Variants in SCN2A observed in about 807,000 individuals in gnomAD.
SCN2A encodes sodium voltage-gated channel alpha subunit 2, also known as sodium channel protein type 2 subunit alpha.
In SCN2A, 20 loss-of-function variants were observed where a neutral mutation model predicts 188.7. That is an observed-to-expected ratio of 0.11 (90% confidence interval 0.07 to 0.15). The LOEUF (loss-of-function observed/expected upper bound fraction) is 0.15. Ranked by LOEUF, SCN2A falls within the 10% of genes least tolerant of loss-of-function variation. SCN2A has a pLI of 1.00. For synonymous variants in SCN2A, 804 were observed against 833.1 expected (o/e 0.97, Z 0.60); for missense variants, 1,278 against 2,445.0 (o/e 0.52, Z 10.07).
chr2:165,248,560 C>T (rs1693954185), intron 1 of SCN2A, among the ~76,000 whole-genome samples: 1 of 152,158 alleles, frequency 6.6e-6, no homozygotes, highest in South Asian at 2.1e-4. Flanking sequence ...TAACTTCATT[C>T]TTATCGTCTC....
chr2:165,389,733 A>G lies in SCN2A; in HGVS notation c.5927A>G (p.Asp1976Gly). 6.2e-7 allele frequency: 1 copy of G among 1,613,942 alleles called. No individual in the cohort carries two copies. Among genetic ancestry groups the G allele is most frequent in the Non-Finnish European group, 8.5e-7 (1 of 1,179,930 alleles). Reference sequence around the variant, plus strand: ...TCCACCACGTCTCCACCCTCGTATGATAGTGTGACCAAACCAGAAAAAGAA... The same window carrying G: ...TCCACCACGTCTCCACCCTCGTATGGTAGTGTGACCAAACCAGAAAAAGAA... Reference protein sequence around the residue: ...TPSTTSPPSYDSVTKPEKEKF... With the variant: ...TPSTTSPPSYGSVTKPEKEKF... Residue 1976 changes from aspartate (D) to glycine (G), a missense_variant, in exon 27 of 27, where the codon GAT becomes GGT. By Grantham distance (94) the Asp-to-Gly change is moderately conservative. Transcript: ENST00000375437. This position sits in a 1 kb window ranked among gnomAD's most constrained non-coding sequence, Gnocchi z 4.2.
intron 14 of SCN2A, among the ~76,000 whole-genome samples, chr2:165,341,240 C>A (rs1271962706): frequency 6.6e-6 from 1 of 152,128 alleles, no homozygotes; most frequent in African/African-American, 2.4e-5. Flanking sequence ...ACTACAGGCG[C>A]CCGCCACCGC....
At chr2:165,370,068 A>G in intron 19 of SCN2A, 58 bp from the exon 20 acceptor site, 2 of 1,481,690 alleles carry the variant, frequency 1.3e-6, no homozygotes, top group East Asian at 2.3e-5. Context: ...TTTTTAAGAA[A>G]TCATCAATTA....
Position 165,331,462 on chromosome 2 carries a change from T to C in SCN2A, c.2282T>C (p.Val761Ala). 1 of 1,613,888 alleles carries C rather than the reference T, an allele frequency of 6.2e-7. No homozygotes were observed. Residue 761 changes from valine (V) to alanine (A), a missense_variant, in exon 14 of 27, where the codon GTT becomes GCT. Physicochemically the swap from Val to Ala is moderately conservative, Grantham distance 64 (BLOSUM62 0). Transcript: ENST00000375437. Reference protein sequence around the residue: ...LVNLVVMDPFVDLAITICIVL... With the variant: ...LVNLVVMDPFADLAITICIVL... ...AACCTGGTTGTAATGGACCCATTTG[T>C]TGACCTGGCCATCACCATCTGCATT...
chr2:165,307,963 G>T (rs780545151), intron 4 of SCN2A, 26 bp downstream of exon 4: 4 of 1,436,614 alleles, frequency 2.8e-6, no homozygotes, highest in East Asian at 4.6e-5. Flanking sequence ...TTTCAATATT[G>T]ACCTCCCTTT....
chr2:165,375,614 C>T (rs1242990407), intron 22 of SCN2A, among the ~76,000 whole-genome samples: 1 of 151,722 alleles, frequency 6.6e-6, no homozygotes, highest in Admixed American at 6.6e-5. Context: ...TTACTATGTC[C>T]GCACAACAGA....
Position 165,262,726 on chromosome 2 carries a change from T to C in SCN2A, c.-52+23086T>C, listed in dbSNP as rs188343670. Among the ~76,000 whole-genome samples the C allele has an allele frequency of 4.1e-3, 624 of 152,286 alleles. 7 individuals are homozygous for C. In the Middle Eastern group the frequency reaches 0.044, roughly 11 times the overall value. ...CTATAAACATGCGTGTGCAATTATCTTTTTCGTATAATGACTTCCTTTCCT... is the reference window on the plus strand; with the variant it reads ...CTATAAACATGCGTGTGCAATTATCCTTTTCGTATAATGACTTCCTTTCCT... On this transcript the variant is annotated intron_variant, in intron 1 of 26. Coordinates refer to ENST00000375437, the MANE Select transcript of SCN2A (RefSeq NM_001040142.2).
intron 18 of SCN2A, 34 bp downstream of exon 18, chr2:165,365,297 A>G: frequency 1.2e-6 from 2 of 1,611,948 alleles, no homozygotes; most frequent in Non-Finnish European, 1.7e-6. Context: ...GGTCTTGAGT[A>G]TCCTCTTTTC....
intron 3 of SCN2A, among the ~76,000 whole-genome samples, chr2:165,304,649 A>G (rs1191764169): frequency 6.6e-6 from 1 of 152,184 alleles, no homozygotes; most frequent in Non-Finnish European, 1.5e-5. Context: ...TGGGGTATAT[A>G]ACTGGTAATA....
intron 1 of SCN2A, among the ~76,000 whole-genome samples, chr2:165,278,972 AAGGC>A (rs965017329): frequency 8.6e-5 from 13 of 152,040 alleles, no homozygotes; most frequent in African/African-American, 1.7e-4. Context: ...TCAAGAAAGA[AAGGC>A]AGGCAGGCAG....
At chr2:165,318,729 C>T (rs978275092) in intron 11 of SCN2A, among the ~76,000 whole-genome samples, 4 of 152,116 alleles carry the variant, frequency 2.6e-5, no homozygotes, top group Non-Finnish European at 4.4e-5. Context: ...TTACTAAAAG[C>T]GATAGAAACA....
chr2:165,257,509 T>TTTG (rs955793057), intron 1 of SCN2A, among the ~76,000 whole-genome samples: 1 of 152,110 alleles, frequency 6.6e-6, no homozygotes, highest in African/African-American at 2.4e-5. Flanking sequence ...GTTTCTGTGT[T>TTTG]TTGTTGTTGT....
At position 165,331,667 on chromosome 2, in the gene SCN2A, C is replaced by T. The variant is rs1047932406; in HGVS notation, c.2388+99C>T. 116 of 946,046 alleles carry T rather than the reference C, an allele frequency of 1.2e-4. No homozygotes were observed. The African/African-American group carries it at 1.8e-3, about 15-fold the overall frequency. 58.6% of individuals were successfully genotyped at this position (946,046 alleles called of 1,614,324 possible). ...TCAAATTAAATATCAACTAATTGGC[C>T]ATGTATATCTTGACATCAAATGTTT... On this transcript the variant is annotated intron_variant, in intron 14 of 26. Coordinates refer to ENST00000375437, the MANE Select transcript of SCN2A (RefSeq NM_001040142.2).
At chr2:165,378,353 A>G (rs1262672148) in intron 23 of SCN2A, among the ~76,000 whole-genome samples, 1 of 150,634 alleles carries the variant, frequency 6.6e-6, no homozygotes, top group Admixed American at 6.7e-5. Context: ...TTTCCACTTC[A>G]TAAAAACAGA....
Position 165,389,571 on chromosome 2 carries a change from A to C in SCN2A, c.5765A>C (p.Lys1922Thr). ...IQRAYRRYLL[K>T]QKVKKVSSIY... Reference sequence around the variant, plus strand: ...AGGGCTTACAGACGCTACCTCTTGAAGCAAAAAGTTAAAAAGGTATCAAGT... The same window carrying C: ...AGGGCTTACAGACGCTACCTCTTGACGCAAAAAGTTAAAAAGGTATCAAGT... Residue 1922 changes from lysine (K) to threonine (T), a missense_variant, in exon 27 of 27, where the codon AAG (lysine) becomes ACG (threonine). Lys to Thr is a moderately conservative substitution (Grantham distance 78, BLOSUM62 -1). This residue lies in a region of SCN2A where 109 missense variants were observed against 137.9 expected (regional missense o/e 0.79). Transcript: ENST00000375437. This position sits in a 1 kb window ranked among gnomAD's most constrained non-coding sequence, Gnocchi z 4.2. 1.9e-6 allele frequency: 3 copies of C among 1,613,976 alleles called. No homozygotes were observed. Among genetic ancestry groups the C allele is most frequent in the Non-Finnish European group, 2.5e-6 (3 of 1,179,964 alleles).
At chr2:165,341,216 C>T (rs934394491) in intron 14 of SCN2A, among the ~76,000 whole-genome samples, 1 of 152,312 alleles carries the variant, frequency 6.6e-6, no homozygotes, top group African/African-American at 2.4e-5. Context: ...GCCTCAGCCT[C>T]CCGAGTAGCT....
At chr2:165,259,984 G>A (rs1239983876) in intron 1 of SCN2A, among the ~76,000 whole-genome samples, 2 of 142,114 alleles carry the variant, frequency 1.4e-5, no homozygotes, top group African/African-American at 5.3e-5. Context: ...TGTCACTCAG[G>A]CTGGAGTGCA....
At chr2:165,307,669 A>G (rs1180859977) in intron 3 of SCN2A, among the ~76,000 whole-genome samples, 179 bp from the exon 4 acceptor site, 2 of 151,920 alleles carry the variant, frequency 1.3e-5, no homozygotes, top group African/African-American at 4.8e-5. Context: ...CCTGAAGACA[A>G]GATCTAAATA....
chr2:165,384,450 A>G (rs1701759470), intron 25 of SCN2A, among the ~76,000 whole-genome samples: 1 of 152,074 alleles, frequency 6.6e-6, no homozygotes, highest in Non-Finnish European at 1.5e-5. Flanking sequence ...GAACACAGAG[A>G]CTCGAGACTG....
Sources: gnomAD v4.1 joint callset for allele counts (sites outside exome capture counted in the v4.1 genomes callset) on GRCh38, gnomAD v4.1.1 for gene constraint, gnomAD v4.1.1 regional missense constraint, Gnocchi (gnomAD v3.1) non-coding constraint, MANE v1.5 for transcripts, NCBI Gene and HGNC (gene_info 2026-07-23, HGNC 2026-07-21) for gene names.